GRM8: variants seen among roughly 807,000 people sequenced by gnomAD.
The protein encoded by GRM8 is metabotropic glutamate receptor 8.
In GRM8, 47 loss-of-function variants were observed where a neutral mutation model predicts 87.2. The ratio of observed to expected loss-of-function variants is 0.54; its 90% CI spans 0.43 to 0.69. The LOEUF (loss-of-function observed/expected upper bound fraction) is 0.69, where lower values mean the gene tolerates loss of function less well. Among genes scored for constraint, GRM8 ranks in the 30% least tolerant of loss-of-function variants. The probability of loss-of-function intolerance (pLI) is 0.00; values close to 1 mark genes in which losing one functional copy is unlikely to be tolerated. For synonymous variants in GRM8, 396 were observed against 404.5 expected (o/e 0.98, Z 0.25); for missense variants, 1,019 against 1,139.2 (o/e 0.89, Z 1.52).
chr7:126,579,438 T>C (rs2151007271), intron 8 of GRM8, among the ~76,000 whole-genome samples: 1 of 152,294 alleles, frequency 6.6e-6, no homozygotes, highest in South Asian at 2.1e-4. Flanking sequence ...TAATAGGAAC[T>C]TTCGATTCAC....
At chr7:127,171,813 T>C (rs145390870) in intron 2 of GRM8, among the ~76,000 whole-genome samples, 2 of 152,304 alleles carry the variant, frequency 1.3e-5, no homozygotes, top group African/African-American at 4.8e-5. Flanking sequence ...TGCCTGTATA[T>C]ATTATAATCT....
At chr7:126,497,514 T>C (rs1315172995) in intron 9 of GRM8, among the ~76,000 whole-genome samples, 1 of 151,950 alleles carries the variant, frequency 6.6e-6, no homozygotes, top group Non-Finnish European at 1.5e-5. Context: ...GCTGTGTATG[T>C]AGATATATTC....
intron 3 of GRM8, chr7:127,084,794 T>C (rs1823289867): frequency 6.6e-6 from 1 of 152,168 alleles, no homozygotes; most frequent in Non-Finnish European, 1.5e-5. Flanking sequence ...TGAAGGCTGG[T>C]GGAAGGAAAG....
At chr7:127,025,622 A>C (rs1816702254) in intron 3 of GRM8, among the ~76,000 whole-genome samples, 1 of 151,914 alleles carries the variant, frequency 6.6e-6, no homozygotes, top group Non-Finnish European at 1.5e-5. Flanking sequence ...CATTTCTTGG[A>C]GTTTCCTGTA....
chr7:126,723,765 C>T (rs1373190295), intron 7 of GRM8, among the ~76,000 whole-genome samples: 1 of 152,144 alleles, frequency 6.6e-6, no homozygotes, highest in East Asian at 1.9e-4. Flanking sequence ...TTGTGTGAAT[C>T]ATCTAAGCAA....
At chr7:126,507,254 C>T (rs554395467) in intron 9 of GRM8, among the ~76,000 whole-genome samples, 24 of 152,234 alleles carry the variant, frequency 1.6e-4, no homozygotes, top group African/African-American at 5.8e-4. Flanking sequence ...AGAAGCCAGA[C>T]AGCATGTCTT....
intron 3 of GRM8, among the ~76,000 whole-genome samples, chr7:127,059,275 G>A (rs1480420393): frequency 4.0e-5 from 6 of 150,936 alleles, no homozygotes; most frequent in East Asian, 1.9e-4. Flanking sequence ...GACTAAATCC[G>A]TCATTTTGTA....
chr7:126,794,024 G>A (rs1355319603), intron 6 of GRM8, among the ~76,000 whole-genome samples: 1 of 151,900 alleles, frequency 6.6e-6, no homozygotes, highest in African/African-American at 2.4e-5. Flanking sequence ...AATTTAAATG[G>A]CCCTTGAAAA....
chr7:126,689,017 A>G (rs1030923854), intron 7 of GRM8, among the ~76,000 whole-genome samples: 1 of 152,234 alleles, frequency 6.6e-6, no homozygotes, highest in Non-Finnish European at 1.5e-5. Context: ...AAAACTCTGG[A>G]AAACAGCTGA....
intron 6 of GRM8, among the ~76,000 whole-genome samples, chr7:126,815,453 A>G (rs979047237): frequency 6.6e-6 from 1 of 152,174 alleles, no homozygotes. Context: ...TATTAACAGT[A>G]CCAACTCTGC....
intron 9 of GRM8, among the ~76,000 whole-genome samples, chr7:126,507,802 C>T (rs1288657157): frequency 6.6e-6 from 1 of 151,922 alleles, no homozygotes; most frequent in Admixed American, 6.6e-5. Flanking sequence ...CAACTTGGCC[C>T]TAAATACCCC....
rs559451048 is a variant in GRM8 at position 127,243,089 on chromosome 7, G to A, written c.116C>T (p.Ser39Phe). ...AATAATGTCCCCATCCACCCGTATG[G>A]AATGGGCATACTCCTGGCTGTGAGT... ...QRTHSQEYAH[S>F]IRVDGDIILG... Residue 39 changes from serine (S) to phenylalanine (F), a missense_variant, in exon 2 of 11, where the codon TCC (serine) becomes TTC (phenylalanine). Physicochemically the swap from Ser to Phe is radical, Grantham distance 155. Transcript: ENST00000339582. 6.2e-7 allele frequency: 1 copy of A among 1,614,050 alleles called. No homozygotes were observed. The highest frequency in any genetic ancestry group is 2.2e-5 in the East Asian group (1 of 44,878).
rs1238984016 is a variant in GRM8 at position 126,535,047 on chromosome 7, G to C, written c.1495-1160C>G. On this transcript the variant is annotated intron_variant, in intron 8 of 10. Transcript: ENST00000339582. Reference sequence around the variant, plus strand: ...GTACTCAAGAGGCACAGCAAAGGGAGATGAAGGAATGTTTCAGAAAAAAAG... The same window carrying C: ...GTACTCAAGAGGCACAGCAAAGGGACATGAAGGAATGTTTCAGAAAAAAAG... Among the ~76,000 whole-genome samples, 3 of 152,146 alleles carry C rather than the reference G, an allele frequency of 2.0e-5. No individual in the cohort carries two copies. In the South Asian group the frequency reaches 6.2e-4, roughly 32 times the overall value.
intron 3 of GRM8, among the ~76,000 whole-genome samples, chr7:126,905,431 G>C (rs564770674): frequency 6.6e-6 from 1 of 152,190 alleles, no homozygotes; most frequent in Non-Finnish European, 1.5e-5. Context: ...GAAGAAAGAG[G>C]TTCCCCCAGT....
intron 8 of GRM8, among the ~76,000 whole-genome samples, chr7:126,566,186 C>T (rs1292348097): frequency 1.3e-5 from 2 of 152,034 alleles, no homozygotes; most frequent in Admixed American, 6.6e-5. Context: ...AAACAAGAGG[C>T]ACTACATCAA....
intron 6 of GRM8, among the ~76,000 whole-genome samples, chr7:126,785,648 G>A (rs558416697): frequency 2.0e-5 from 3 of 151,864 alleles, no homozygotes; most frequent in Non-Finnish European, 4.4e-5. Context: ...TTTTCATCCT[G>A]TTCTCCATCC....
intron 7 of GRM8, among the ~76,000 whole-genome samples, chr7:126,652,609 T>C (rs1409466906): frequency 6.6e-6 from 1 of 152,180 alleles, no homozygotes; most frequent in Non-Finnish European, 1.5e-5. Flanking sequence ...AAGACTAGAC[T>C]GGCTTAGCCT....
chr7:127,198,758 C>T (rs1587255700), intron 2 of GRM8, among the ~76,000 whole-genome samples: 1 of 151,714 alleles, frequency 6.6e-6, no homozygotes, highest in South Asian at 2.1e-4. Context: ...TCACTGTAAC[C>T]TCAAACTCCA....
intron 9 of GRM8, among the ~76,000 whole-genome samples, chr7:126,480,873 T>C (rs1277025444): frequency 6.6e-6 from 1 of 152,200 alleles, no homozygotes; most frequent in African/African-American, 2.4e-5. Context: ...GATTTCTAAA[T>C]ACCATTCTCC....
Sources: allele counts gnomAD v4.1 joint callset (sites outside exome capture counted in the v4.1 genomes callset), GRCh38; gene constraint gnomAD v4.1.1; transcripts MANE v1.5; gene names NCBI Gene and HGNC (gene_info 2026-07-23, HGNC 2026-07-21).